Variants in SOX6 observed in about 807,000 individuals in gnomAD.
SOX6 encodes the protein SRY-box transcription factor 6, also known as transcription factor SOX-6.
SOX6 carries 11 observed loss-of-function variants against 97.8 expected under a neutral mutation model. The observed-to-expected ratio is 0.11, with a 90% CI of 0.07 to 0.19. The LOEUF (loss-of-function observed/expected upper bound fraction) is 0.19, where lower values mean the gene tolerates loss of function less well. Ranked by LOEUF, SOX6 falls within the 10% of genes least tolerant of loss-of-function variation. The probability of loss-of-function intolerance (pLI) is 1.00; values close to 1 mark genes in which losing one functional copy is unlikely to be tolerated. For synonymous variants in SOX6, 360 were observed against 371.4 expected (o/e 0.97, Z 0.35); for missense variants, 810 against 1,039.5 (o/e 0.78, Z 3.04).
chr11:16,644,759 G>A (rs1848986724), intron 3 of SOX6, among the ~76,000 whole-genome samples: 1 of 152,154 alleles, frequency 6.6e-6, no homozygotes, highest in South Asian at 2.1e-4. Flanking sequence ...GGAGTCCATA[G>A]TATCTATAGA....
At chr11:16,557,793 G>GT (rs1847765502) in intron 4 of SOX6, among the ~76,000 whole-genome samples, 1 of 151,808 alleles carries the variant, frequency 6.6e-6, no homozygotes, top group African/African-American at 2.4e-5. Context: ...TATTTTGTGT[G>GT]TAAGGCAGCA....
chr11:16,378,943 T>A (rs1230121080), intron 1 of SOX6, among the ~76,000 whole-genome samples: 1 of 152,068 alleles, frequency 6.6e-6, no homozygotes, highest in East Asian at 1.9e-4. Context: ...TAAATATTTT[T>A]TATATATATT....
intron 15 of SOX6, among the ~76,000 whole-genome samples, chr11:15,974,706 G>A (rs1361340108): frequency 6.6e-6 from 1 of 152,032 alleles, no homozygotes; most frequent in African/African-American, 2.4e-5. Flanking sequence ...ATGCCCTCCA[G>A]CCTGGCAGAG....
intron 4 of SOX6, among the ~76,000 whole-genome samples, chr11:16,594,643 C>A (rs1404609061): frequency 7.0e-6 from 1 of 142,522 alleles, no homozygotes. Flanking sequence ...CTTTGTTCAG[C>A]TGCTATATTC....
At chr11:16,491,918 G>A (rs1860514905) in intron 4 of SOX6, among the ~76,000 whole-genome samples, 1 of 151,922 alleles carries the variant, frequency 6.6e-6, no homozygotes, top group Admixed American at 6.6e-5. Context: ...AAAGTACTAG[G>A]GGTTCTATGG....
intron 4 of SOX6, among the ~76,000 whole-genome samples, chr11:16,516,098 G>C (rs1860966807): frequency 2.0e-5 from 3 of 150,288 alleles, no homozygotes; most frequent in Non-Finnish European, 4.4e-5. Flanking sequence ...GGCATTGGTA[G>C]CTTGATGGGG....
At chr11:16,561,018 G>T (rs73417129) in intron 4 of SOX6, among the ~76,000 whole-genome samples, 5,098 of 152,068 alleles carry the variant, frequency 0.034, 272 homozygotes, top group African/African-American at 0.11. Context: ...TGGATACAGG[G>T]TATACTACTT....
At chr11:16,643,189 T>C (rs1270993735) in intron 3 of SOX6, among the ~76,000 whole-genome samples, 1 of 152,174 alleles carries the variant, frequency 6.6e-6, no homozygotes, top group Non-Finnish European at 1.5e-5. Context: ...CTCCAGACCC[T>C]GTTGGCCTGG....
In SOX6 at chr11:15,971,740, G is replaced by T. The variant is rs1853319577; in HGVS notation, c.*1069C>A. On this transcript the variant is annotated 3_prime_UTR_variant, in exon 16 of 16. Transcript: ENST00000683767. ...TAAAATCACTATGTACACAGGAGAA[G>T]GAGGTGAAAAGGACGGAAAAGTTCT... The T allele has an allele frequency of 6.6e-6, 1 of 152,558 alleles. No individual in the cohort carries two copies. The highest frequency in any genetic ancestry group is 1.9e-4 in the East Asian group (1 of 5,184). The allele number at this position is 152,558 out of a possible 1,614,324, so 9.5% of individuals were successfully genotyped here.
At chr11:16,432,358 T>C (rs955892369) in intron 1 of SOX6, among the ~76,000 whole-genome samples, 8 of 152,166 alleles carry the variant, frequency 5.3e-5, no homozygotes, top group Non-Finnish European at 1.0e-4. Flanking sequence ...GTCAAAAGTG[T>C]AACTATCTCT....
In SOX6 at chr11:16,610,565, G is replaced by A. The variant is rs1287407365; in HGVS notation, n.609+1516C>T. 1.3e-5 allele frequency among the ~76,000 whole-genome samples: 2 copies of A among 152,164 alleles called. No homozygotes were observed. The highest frequency in any genetic ancestry group is 2.9e-5 in the Non-Finnish European group (2 of 68,032). ...GCGATGAACCTTCCGAAAAGGAGCCGCAGGAACCCCTTTTAGATTTTATCT... is the reference window on the plus strand; with the variant it reads ...GCGATGAACCTTCCGAAAAGGAGCCACAGGAACCCCTTTTAGATTTTATCT... On this transcript the variant is annotated intron_variant and non_coding_transcript_variant, in intron 4 of 5. Coordinates refer to the SOX6 transcript ENST00000524520. This position sits in a 1 kb window ranked among gnomAD's most constrained non-coding sequence, Gnocchi z 4.4.
chr11:16,046,709 C>G lies in SOX6; in HGVS notation c.1436-8G>C. The G allele has an allele frequency of 6.2e-7, 1 of 1,612,492 alleles. No homozygotes were observed. The highest frequency in any genetic ancestry group is 8.5e-7 in the Non-Finnish European group (1 of 1,179,480). On this transcript the variant is annotated splice_polypyrimidine_tract_variant and splice_region_variant and intron_variant, in intron 11 of 15. Coordinates refer to ENST00000683767, the MANE Select transcript of SOX6 (RefSeq NM_001367873.1). Reference sequence around the variant, plus strand: ...TGAGACTAGATAGGATATCTGCATACACAGGATGCATTATTAGATGCTTGT... The same window carrying G: ...TGAGACTAGATAGGATATCTGCATAGACAGGATGCATTATTAGATGCTTGT...
chr11:16,628,742 T>C (rs1210531307), intron 3 of SOX6, among the ~76,000 whole-genome samples: 1 of 152,202 alleles, frequency 6.6e-6, no homozygotes, highest in African/African-American at 2.4e-5. Context: ...ATATTGATTC[T>C]TCCAATGCAT....
At chr11:16,574,308 G>A (rs958908861) in intron 4 of SOX6, among the ~76,000 whole-genome samples, 40 of 152,156 alleles carry the variant, frequency 2.6e-4, no homozygotes, top group Middle Eastern at 3.4e-3. Context: ...TCAAAAGAAC[G>A]TAATAAAGAA....
At chr11:16,323,171 C>A (rs1855977152) in intron 2 of SOX6, among the ~76,000 whole-genome samples, 1 of 151,946 alleles carries the variant, frequency 6.6e-6, no homozygotes, top group Admixed American at 6.6e-5. Context: ...TTCAGATAAT[C>A]TAAAGAGCAT....
At chr11:16,371,632 G>A (rs1857496741) in intron 1 of SOX6, among the ~76,000 whole-genome samples, 1 of 151,994 alleles carries the variant, frequency 6.6e-6, no homozygotes, top group Admixed American at 6.6e-5. Context: ...AAACTCCAAA[G>A]CGCCAAAGAA....
intron 3 of SOX6, among the ~76,000 whole-genome samples, chr11:16,267,917 C>T (rs1276323024): frequency 6.6e-6 from 1 of 151,410 alleles, no homozygotes; most frequent in South Asian, 2.1e-4. Context: ...AATTGGAGAA[C>T]ATCATGCTAA....
intron 3 of SOX6, among the ~76,000 whole-genome samples, chr11:16,702,242 C>T (rs1045316986): frequency 6.6e-6 from 1 of 151,940 alleles, no homozygotes. Context: ...GATATAAAGC[C>T]GAATAGCTTA....
chr11:16,289,158 A>G (rs2134255439), intron 3 of SOX6, among the ~76,000 whole-genome samples: 1 of 152,126 alleles, frequency 6.6e-6, no homozygotes, highest in Non-Finnish European at 1.5e-5. Context: ...ATAGTTAAAA[A>G]CAATTATTAC....
Sources: allele counts gnomAD v4.1 joint callset (sites outside exome capture counted in the v4.1 genomes callset), GRCh38; gene constraint gnomAD v4.1.1; non-coding constraint Gnocchi (gnomAD v3.1); transcripts MANE v1.5; gene names NCBI Gene and HGNC (gene_info 2026-07-23, HGNC 2026-07-21).